NCK1: variants seen among roughly 807,000 people sequenced by gnomAD.
The protein encoded by NCK1 is SH2/SH3 adapter protein NCK1.
NCK1 carries 19 observed loss-of-function variants against 36.6 expected under a neutral mutation model. That is an observed-to-expected ratio of 0.52 (90% confidence interval 0.36 to 0.76). NCK1 has a LOEUF of 0.76. Among genes scored for constraint, NCK1 ranks in the 30% least tolerant of loss-of-function variants. The pLI is 0.00. For missense variants in NCK1, 358 were observed against 445.6 expected, an observed-to-expected ratio of 0.80 and a Z score of 1.77; for synonymous variants, 165 against 156.0, an observed-to-expected ratio of 1.06 and a Z score of -0.43.
chr3:136,887,052 C>T (rs1281970239), intron 1 of NCK1, among the ~76,000 whole-genome samples: 1 of 152,066 alleles, frequency 6.6e-6, no homozygotes, highest in African/African-American at 2.4e-5. Flanking sequence ...TTATGTTGGC[C>T]AGGCTGGTCT....
At chr3:136,933,374 T>A (rs1423413841) in intron 2 of NCK1, among the ~76,000 whole-genome samples, 1 of 152,296 alleles carries the variant, frequency 6.6e-6, no homozygotes, top group East Asian at 1.9e-4. Context: ...TAAGGAATAG[T>A]TATGGGTACA....
At chr3:136,909,258 A>G (rs1355700011) in intron 1 of NCK1, among the ~76,000 whole-genome samples, 3 of 152,222 alleles carry the variant, frequency 2.0e-5, no homozygotes, top group Non-Finnish European at 4.4e-5. Flanking sequence ...CTACTCAGAG[A>G]TATCTAGGCA....
chr3:136,945,461 A>G (rs1940786473), intron 2 of NCK1, 122 bp from the exon 3 acceptor site: 3 of 640,726 alleles, frequency 4.7e-6, no homozygotes, highest in South Asian at 9.0e-5. Flanking sequence ...GAAATTTGTT[A>G]TATTTAAAAG....
At chr3:136,880,315 G>A (rs549415571) in intron 1 of NCK1, among the ~76,000 whole-genome samples, 56 of 152,024 alleles carry the variant, frequency 3.7e-4, no homozygotes, top group Non-Finnish European at 7.8e-4. Context: ...ACCTTATTTC[G>A]AAGTGGGGTC....
chr3:136,914,136 A>G (rs1939898786), intron 1 of NCK1, among the ~76,000 whole-genome samples: 1 of 152,164 alleles, frequency 6.6e-6, no homozygotes, highest in Non-Finnish European at 1.5e-5. Flanking sequence ...AGCTATTGGG[A>G]GGGAGGTGAA....
intron 1 of NCK1, among the ~76,000 whole-genome samples, chr3:136,867,762 A>G (rs1013866541): frequency 2.0e-5 from 3 of 152,102 alleles, no homozygotes; most frequent in African/African-American, 7.2e-5. Flanking sequence ...TCAACCCTTG[A>G]TCTTCTGACG....
intron 1 of NCK1, among the ~76,000 whole-genome samples, chr3:136,910,796 A>G (rs1334669226): frequency 6.6e-6 from 1 of 152,230 alleles, no homozygotes. Flanking sequence ...GACATTTAAA[A>G]TGTACTCTTA....
intron 1 of NCK1, among the ~76,000 whole-genome samples, chr3:136,875,083 T>C (rs968679316): frequency 1.1e-4 from 16 of 152,220 alleles, no homozygotes; most frequent in African/African-American, 3.9e-4. Context: ...ATCTGTAAAA[T>C]TCATTAGTTC....
intron 1 of NCK1, among the ~76,000 whole-genome samples, chr3:136,896,648 C>G (rs568066497): frequency 6.6e-6 from 1 of 152,096 alleles, no homozygotes. Flanking sequence ...GCATACCCCA[C>G]CACACCTGGC....
intron 1 of NCK1, among the ~76,000 whole-genome samples, chr3:136,925,410 T>G (rs1940212338): frequency 6.6e-6 from 1 of 152,244 alleles, no homozygotes. Context: ...CGAGATCCAG[T>G]GTATGCTTTC....
At chr3:136,869,058 T>C (rs1938531484) in intron 1 of NCK1, among the ~76,000 whole-genome samples, 1 of 151,292 alleles carries the variant, frequency 6.6e-6, no homozygotes, top group African/African-American at 2.4e-5. Flanking sequence ...GCCGGCATGG[T>C]GAAACCCCAT....
Position 136,949,868 on chromosome 3 carries a change from T to C in NCK1, c.*1415T>C, listed in dbSNP as rs1372502120. 6.6e-6 allele frequency: 1 copy of C among 152,086 alleles called. No homozygotes were observed. The highest frequency in any genetic ancestry group is 2.4e-5 in the African/African-American group (1 of 41,440). 9.4% of individuals were successfully genotyped at this position (152,086 alleles called of 1,614,324 possible). A position where few individuals can be genotyped will look rare whatever the true frequency, so the allele number is the denominator to read the frequency against. Reference sequence around the variant, plus strand: ...TTTTTTATCAATGTTTTAAATATTATTTAAATCTTAAAATCATTTAAAGAC... The same window carrying C: ...TTTTTTATCAATGTTTTAAATATTACTTAAATCTTAAAATCATTTAAAGAC... On this transcript the variant is annotated 3_prime_UTR_variant, in exon 4 of 4. Transcript: ENST00000481752.
At chr3:136,926,114 G>A (rs1940229875) in intron 1 of NCK1, among the ~76,000 whole-genome samples, 1 of 152,034 alleles carries the variant, frequency 6.6e-6, no homozygotes, top group Non-Finnish European at 1.5e-5. Flanking sequence ...TTTGCCATCT[G>A]TAAATCTTCA....
intron 2 of NCK1, among the ~76,000 whole-genome samples, chr3:136,935,708 T>C (rs1940512014): frequency 6.6e-6 from 1 of 152,240 alleles, no homozygotes; most frequent in Non-Finnish European, 1.5e-5. Flanking sequence ...TTAAAAATTT[T>C]TTTATGAGGT....
rs781705700 is a variant in NCK1 at position 136,899,180 on chromosome 3, T to A, written c.-18-28804T>A. ...GACACTCCTGCCAGTGCGCTGCTGC[T>A]ATTGCTGCTACTTCCAGATGCTGGT... On this transcript the variant is annotated intron_variant, in intron 1 of 3. Coordinates refer to ENST00000481752, the MANE Select transcript of NCK1 (RefSeq NM_001291999.2). The A allele has an allele frequency of 1.4e-4, 30 of 216,752 alleles. 1 individual carries two copies. In the Middle Eastern group the frequency reaches 5.9e-3, roughly 42 times the overall value. The allele number at this position is 216,752 out of a possible 1,614,324, so 13.4% of individuals were successfully genotyped here. A position where few individuals can be genotyped will look rare whatever the true frequency, so the allele number is the denominator to read the frequency against.
rs1006642158 is a variant in NCK1 at position 136,951,342 on chromosome 3, A to G, written c.*2889A>G. ...GGGGTACCTTCTTCAGGGTACATCT[A>G]AACACAGTGGCCTTATACAGAAATG... On this transcript the variant is annotated 3_prime_UTR_variant, in exon 4 of 4. Coordinates refer to ENST00000481752, the MANE Select transcript of NCK1 (RefSeq NM_001291999.2). Among the ~76,000 whole-genome samples, 38 of 152,204 alleles carry G rather than the reference A, an allele frequency of 2.5e-4. No homozygotes were observed. Among genetic ancestry groups the G allele is most frequent in the Non-Finnish European group, 2.9e-5 (2 of 68,014 alleles).
chr3:136,919,601 A>G (rs1940053305), intron 1 of NCK1, among the ~76,000 whole-genome samples: 1 of 152,202 alleles, frequency 6.6e-6, no homozygotes, highest in South Asian at 2.1e-4. Context: ...ATACATGAAT[A>G]ATGCTAGACA....
chr3:136,928,062 T>C lies in NCK1; in HGVS notation c.61T>C (p.Leu21=). ...FDYVAQQEQE[L]DIKKNERLWL... The stretch of plus-strand genomic sequence containing the variant: ...TTATGTGGCCCAACAAGAACAAGAG[T>C]TGGACATCAAGAAGAATGAGAGATT... The change falls in exon 2 of 4, where the codon TTG becomes CTG. Residue 21 remains leucine, a synonymous_variant. Coordinates refer to ENST00000481752, the MANE Select transcript of NCK1 (RefSeq NM_001291999.2). 6.2e-7 allele frequency: 1 copy of C among 1,613,988 alleles called. No homozygotes were observed. Among genetic ancestry groups the C allele is most frequent in the Non-Finnish European group, 8.5e-7 (1 of 1,180,000 alleles).
intron 2 of NCK1, among the ~76,000 whole-genome samples, chr3:136,931,896 G>C (rs2108134396): frequency 6.6e-6 from 1 of 152,282 alleles, no homozygotes; most frequent in East Asian, 1.9e-4. Flanking sequence ...GAAGTGGGTG[G>C]ATCACTTGAG....
Sources: gnomAD v4.1 joint callset for allele counts (sites outside exome capture counted in the v4.1 genomes callset) on GRCh38, gnomAD v4.1.1 for gene constraint, MANE v1.5 for transcripts, NCBI Gene and HGNC (gene_info 2026-07-23, HGNC 2026-07-21) for gene names.